AUTS2: variants seen among roughly 807,000 people sequenced by gnomAD.
The protein encoded by AUTS2 is activator of transcription and developmental regulator AUTS2, also known as autism susceptibility gene 2 protein.
Under a neutral mutation model 112.4 loss-of-function variants are expected in AUTS2, and 17 were observed. The ratio of observed to expected loss-of-function variants is 0.15; its 90% CI spans 0.10 to 0.23. The LOEUF is 0.23. Among genes scored for constraint, AUTS2 ranks in the 10% least tolerant of loss-of-function variants. AUTS2 has a pLI of 1.00. For synonymous variants in AUTS2, 751 were observed against 702.7 expected, an observed-to-expected ratio of 1.07 and a Z score of -1.09; for missense variants, 1,510 against 1,701.6, an observed-to-expected ratio of 0.89 and a Z score of 1.98.
chr7:69,733,815 ACT>A (rs1786907909), intron 1 of AUTS2, among the ~76,000 whole-genome samples: 1 of 152,096 alleles, frequency 6.6e-6, no homozygotes, highest in Non-Finnish European at 1.5e-5. Context: ...GTTAAAACAC[ACT>A]TCCTTATCTT....
intron 4 of AUTS2, among the ~76,000 whole-genome samples, chr7:70,308,436 T>C (rs1160603155): frequency 6.6e-6 from 1 of 152,228 alleles, no homozygotes; most frequent in Non-Finnish European, 1.5e-5. Context: ...ACTCCTATGA[T>C]GTCCATTTCT....
At chr7:70,525,186 C>T (rs1444460486) in intron 5 of AUTS2, among the ~76,000 whole-genome samples, 5 of 152,216 alleles carry the variant, frequency 3.3e-5, no homozygotes, top group Admixed American at 3.3e-4. Context: ...TGAGGCACGC[C>T]TTCAGCTCCT....
intron 14 of AUTS2, among the ~76,000 whole-genome samples, chr7:70,779,095 G>A (rs1790893640): frequency 6.6e-6 from 1 of 152,124 alleles, no homozygotes; most frequent in Non-Finnish European, 1.5e-5. Context: ...GTGGTTAATG[G>A]AACTGTGCTA....
chr7:70,270,638 G>A (rs1009823008), intron 4 of AUTS2, among the ~76,000 whole-genome samples: 1 of 152,172 alleles, frequency 6.6e-6, no homozygotes, highest in African/African-American at 2.4e-5. Flanking sequence ...CAATGGCTCT[G>A]TGGAAGAATA....
intron 6 of AUTS2, among the ~76,000 whole-genome samples, chr7:70,761,038 T>C (rs78197565): frequency 0.019 from 2,820 of 152,394 alleles, 100 homozygotes; most frequent in African/African-American, 0.063. Flanking sequence ...CTTTTGTGCA[T>C]GTTATCGGTT....
At chr7:70,095,083 G>GT (rs1284658918) in intron 2 of AUTS2, among the ~76,000 whole-genome samples, 4 of 152,178 alleles carry the variant, frequency 2.6e-5, no homozygotes, top group African/African-American at 9.7e-5. Context: ...AACGTGAACT[G>GT]AAAAACTCCT....
At chr7:70,765,821 C>A (rs992354489) in intron 8 of AUTS2, among the ~76,000 whole-genome samples, 1 of 152,194 alleles carries the variant, frequency 6.6e-6, no homozygotes, top group Admixed American at 6.5e-5. Context: ...GGTCACTCAG[C>A]CAGTGGTGAC....
At chr7:69,992,550 G>A (rs1798781135) in intron 2 of AUTS2, among the ~76,000 whole-genome samples, 1 of 152,264 alleles carries the variant, frequency 6.6e-6, no homozygotes, top group South Asian at 2.1e-4. Context: ...CTTGGAGAAG[G>A]TTTTGAATGT....
At chr7:70,499,665 G>A (rs1798696779) in intron 5 of AUTS2, among the ~76,000 whole-genome samples, 2 of 152,254 alleles carry the variant, frequency 1.3e-5, no homozygotes, top group South Asian at 4.1e-4. Flanking sequence ...CTTTGGACAG[G>A]AGAAATAAAT....
At chr7:70,704,461 G>C (rs1034859687) in intron 6 of AUTS2, among the ~76,000 whole-genome samples, 8 of 152,146 alleles carry the variant, frequency 5.3e-5, no homozygotes, top group Non-Finnish European at 1.2e-4. Flanking sequence ...CTTATACTGG[G>C]CGATTACTGC....
At chr7:70,167,955 T>G (rs1343731387) in intron 4 of AUTS2, among the ~76,000 whole-genome samples, 1 of 152,234 alleles carries the variant, frequency 6.6e-6, no homozygotes, top group African/African-American at 2.4e-5. Context: ...TCTCGGAATT[T>G]ATATTAATGT....
intron 5 of AUTS2, among the ~76,000 whole-genome samples, chr7:70,692,041 T>C (rs1808782683): frequency 6.6e-6 from 1 of 152,006 alleles, no homozygotes; most frequent in Admixed American, 6.6e-5. Context: ...CCTCTACACA[T>C]TTTATTAGTA....
chr7:70,387,922 CT>C (rs975927529), intron 4 of AUTS2, among the ~76,000 whole-genome samples: 3 of 152,174 alleles, frequency 2.0e-5, no homozygotes, highest in Non-Finnish European at 2.9e-5. Flanking sequence ...AGGCAGCAAT[CT>C]TTCAAATTCT....
intron 6 of AUTS2, among the ~76,000 whole-genome samples, chr7:70,706,930 C>G (rs572276367): frequency 6.6e-6 from 1 of 152,204 alleles, no homozygotes; most frequent in Non-Finnish European, 1.5e-5. Flanking sequence ...ATTTAAGATT[C>G]TCACAGACAC....
intron 14 of AUTS2, among the ~76,000 whole-genome samples, chr7:70,779,646 A>C (rs1790937155): frequency 6.6e-6 from 1 of 152,320 alleles, no homozygotes; most frequent in South Asian, 2.1e-4. Flanking sequence ...GCTGTTGTAC[A>C]GCAGGGCAAG....
intron 4 of AUTS2, among the ~76,000 whole-genome samples, chr7:70,362,580 T>C (rs981456247): frequency 6.6e-6 from 1 of 152,152 alleles, no homozygotes; most frequent in Non-Finnish European, 1.5e-5. Context: ...GGAGTATTTA[T>C]ATGTGACAGG....
At chr7:69,688,951 A>T (rs1797178610) in intron 1 of AUTS2, among the ~76,000 whole-genome samples, 1 of 152,234 alleles carries the variant, frequency 6.6e-6, no homozygotes, top group South Asian at 2.1e-4. Flanking sequence ...AAGGATTGAG[A>T]TAAAAATTAA....
At chr7:70,117,604 G>A (rs1294064700) in intron 2 of AUTS2, among the ~76,000 whole-genome samples, 1 of 152,044 alleles carries the variant, frequency 6.6e-6, no homozygotes, top group Non-Finnish European at 1.5e-5. Context: ...GTTTATTTAA[G>A]GCTTGCCCAC....
chr7:70,635,147 G>A (rs930469654), intron 5 of AUTS2, among the ~76,000 whole-genome samples: 10 of 152,274 alleles, frequency 6.6e-5, no homozygotes, highest in East Asian at 1.9e-4. Flanking sequence ...TTCATGCCAC[G>A]TTAGAGGTTG....
Sources: allele counts gnomAD v4.1 joint callset (sites outside exome capture counted in the v4.1 genomes callset), GRCh38; gene constraint gnomAD v4.1.1; transcripts MANE v1.5; gene names NCBI Gene and HGNC (gene_info 2026-07-23, HGNC 2026-07-21).